The following TGS1 variants were observed in gnomAD, a reference collection of about 807,000 sequenced individuals.
TGS1 encodes trimethylguanosine synthase.
Under a neutral mutation model 92.2 loss-of-function variants are expected in TGS1, and 69 were observed. The observed-to-expected ratio is 0.75, with a 90% confidence interval of 0.62 to 0.91. The LOEUF is 0.91. TGS1 is among the 40% of genes least tolerant of loss of function. The pLI, the probability that TGS1 is intolerant of heterozygous loss-of-function variation, is 0.00. For synonymous variants in TGS1, 345 were observed against 338.1 expected, an observed-to-expected ratio of 1.02 and a Z score of -0.22; for missense variants, 1,062 against 1,001.2, an observed-to-expected ratio of 1.06 and a Z score of -0.82.
At chr8:55,795,721 T>A (rs1176192657) in intron 6 of TGS1, among the ~76,000 whole-genome samples, 1 of 152,236 alleles carries the variant, frequency 6.6e-6, no homozygotes, top group East Asian at 1.9e-4. Flanking sequence ...GTCTACTATG[T>A]AATTTCTACT....
chr8:55,817,917 C>T (rs879934378), intron 12 of TGS1, among the ~76,000 whole-genome samples: 2 of 152,206 alleles, frequency 1.3e-5, no homozygotes, highest in Non-Finnish European at 2.9e-5. Flanking sequence ...AGCTGGCACA[C>T]ACACTTAGGG....
At chr8:55,804,698 G>T (rs1318227906) in intron 9 of TGS1, among the ~76,000 whole-genome samples, 195 bp from the exon 10 acceptor site, 2 of 152,206 alleles carry the variant, frequency 1.3e-5, no homozygotes, top group Non-Finnish European at 2.9e-5. Context: ...CATCATTTCT[G>T]TGGAAATTGG....
At chr8:55,793,758 ATTTAT>A (rs1811955496) in intron 6 of TGS1, among the ~76,000 whole-genome samples, 1 of 149,124 alleles carries the variant, frequency 6.7e-6, no homozygotes, top group African/African-American at 2.5e-5. Context: ...TTATTTATTT[ATTTAT>A]TTATTTATTT....
Position 55,817,255 on chromosome 8 carries a change from G to GT in TGS1, c.2439+4138dup, listed in dbSNP as rs538377216. 8.5e-5 allele frequency among the ~76,000 whole-genome samples: 13 copies of GT among 152,252 alleles called. No individual in the cohort carries two copies. In the South Asian group the frequency reaches 2.7e-3, roughly 32 times the overall value. The stretch of plus-strand genomic sequence containing the variant: ...TCTAGGAAGGGAAATGTTCCTCATT[G>GT]TAACAGTCACTTCTAATACTTTATT... On this transcript the variant is annotated intron_variant, in intron 12 of 12. Transcript: ENST00000260129.
At chr8:55,821,328 A>G (rs939326131) in intron 12 of TGS1, among the ~76,000 whole-genome samples, 4 of 152,176 alleles carry the variant, frequency 2.6e-5, no homozygotes, top group Non-Finnish European at 5.9e-5. Context: ...GTTTTTTGCT[A>G]TACTGCACTG....
intron 11 of TGS1, among the ~76,000 whole-genome samples, chr8:55,812,020 T>C (rs1203053927): frequency 2.0e-5 from 3 of 152,206 alleles, no homozygotes; most frequent in African/African-American, 7.2e-5. Context: ...CCCTGGAGTT[T>C]GTCGGTAACC....
chr8:55,779,423 C>T (rs957139065), intron 1 of TGS1, among the ~76,000 whole-genome samples: 2 of 152,360 alleles, frequency 1.3e-5, no homozygotes, highest in African/African-American at 4.8e-5. Flanking sequence ...AAAGGCCTTT[C>T]TGCCTCTTTC....
intron 12 of TGS1, among the ~76,000 whole-genome samples, chr8:55,814,312 A>T (rs759285052): frequency 7.9e-5 from 12 of 152,250 alleles, no homozygotes; most frequent in Admixed American, 2.0e-4. Flanking sequence ...GTTTTCTAGG[A>T]TGAGGCCCGA....
chr8:55,815,370 A>G (rs898030658), intron 12 of TGS1, among the ~76,000 whole-genome samples: 6 of 152,206 alleles, frequency 3.9e-5, no homozygotes, highest in African/African-American at 1.4e-4. Context: ...TGGGAAATCA[A>G]CTTTTTTTTA....
chr8:55,823,992 T>G (rs1265643390), intron 12 of TGS1, among the ~76,000 whole-genome samples: 1 of 152,146 alleles, frequency 6.6e-6, no homozygotes, highest in Non-Finnish European at 1.5e-5. Flanking sequence ...GGCATGTGCC[T>G]GTAATTCCAG....
chr8:55,810,776 A>G, intron 10 of TGS1, 105 bp from the exon 11 acceptor site: 2 of 920,804 alleles, frequency 2.2e-6, no homozygotes, highest in South Asian at 3.1e-5. Context: ...TCCTCTTTAT[A>G]AAGAGTTCTT....
intron 9 of TGS1, among the ~76,000 whole-genome samples, chr8:55,803,131 G>GTT (rs1491562782): frequency 2.3e-5 from 3 of 129,900 alleles, no homozygotes; most frequent in African/African-American, 1.0e-4. Flanking sequence ...ATTTGGGGGG[G>GTT]TGTGTGTGTG....
At chr8:55,806,356 C>CAAAAAAAAAAAAAAAAA (rs1047234489) in intron 10 of TGS1, among the ~76,000 whole-genome samples, 4 of 38,990 alleles carry the variant, frequency 1.0e-4, no homozygotes, top group Admixed American at 3.0e-4. Context: ...GACTCCACCT[C>CAAAAAAAAAAAAAAAAA]AAAAAAAAAA....
At chr8:55,775,708 G>A (rs1224084864) in intron 1 of TGS1, among the ~76,000 whole-genome samples, 1 of 151,238 alleles carries the variant, frequency 6.6e-6, no homozygotes, top group Non-Finnish European at 1.5e-5. Flanking sequence ...TAAGCAGTTA[G>A]ATATATTGAT....
At chr8:55,805,300 G>T (rs1812334928) in intron 10 of TGS1, among the ~76,000 whole-genome samples, 1 of 151,946 alleles carries the variant, frequency 6.6e-6, no homozygotes, top group South Asian at 2.1e-4. Context: ...TAAATATATT[G>T]GAAAATGTTC....
At chr8:55,782,674 T>C in intron 1 of TGS1, 74 bp from the exon 2 acceptor site, 1 of 1,135,026 alleles carries the variant, frequency 8.8e-7, no homozygotes, top group African/African-American at 1.6e-5. Context: ...TAATCTATGA[T>C]GGCTCGAGAT....
chr8:55,800,521 G>T (rs537446484), intron 8 of TGS1, among the ~76,000 whole-genome samples: 3 of 152,260 alleles, frequency 2.0e-5, no homozygotes, highest in Non-Finnish European at 4.4e-5. Context: ...TTCTCATGAT[G>T]CTGGTTATTT....
Position 55,793,788 on chromosome 8 carries a change from TA to T in TGS1, c.1367+1005del, listed in dbSNP as rs1458451770. Among the ~76,000 whole-genome samples the T allele has an allele frequency of 4.0e-5, 6 of 151,552 alleles. No individual in the cohort carries two copies. In the East Asian group the frequency reaches 9.7e-4, roughly 24 times the overall value. On this transcript the variant is annotated intron_variant, in intron 6 of 12. Transcript: ENST00000260129. ...TTTATTTATTTATTTTTTAATTTTT[TA>T]TTTTTTTTAGTAGAGACAGGGTTGC...
intron 7 of TGS1, among the ~76,000 whole-genome samples, chr8:55,798,313 T>G (rs1177235959): frequency 6.6e-6 from 1 of 152,254 alleles, no homozygotes; most frequent in Non-Finnish European, 1.5e-5. Flanking sequence ...GTATATGATC[T>G]GATGCTGAGC....
Sources: gnomAD v4.1 joint callset for allele counts (sites outside exome capture counted in the v4.1 genomes callset) on GRCh38, gnomAD v4.1.1 for gene constraint, MANE v1.5 for transcripts, NCBI Gene and HGNC (gene_info 2026-07-23, HGNC 2026-07-21) for gene names.